APBB2: variants seen among roughly 807,000 people sequenced by gnomAD.
APBB2 encodes the protein Fe65-like 1.
APBB2 carries 38 observed loss-of-function variants against 82.5 expected under a neutral mutation model. The ratio of observed to expected loss-of-function variants is 0.46; its 90% CI spans 0.36 to 0.60. The LOEUF is 0.60. Among genes scored for constraint, APBB2 ranks in the 20% least tolerant of loss-of-function variants. APBB2 has a pLI of 0.00. For synonymous variants in APBB2, 341 were observed against 368.2 expected (o/e 0.93, Z 0.85); for missense variants, 772 against 972.3 (o/e 0.79, Z 2.74).
At chr4:41,182,220 C>T (rs1354916082) in intron 1 of APBB2, among the ~76,000 whole-genome samples, 1 of 152,196 alleles carries the variant, frequency 6.6e-6, no homozygotes, top group South Asian at 2.1e-4. Flanking sequence ...ATTAAGCTCA[C>T]TCCAATTAGG....
At chr4:40,999,870 T>C (rs1286828256) in intron 6 of APBB2, among the ~76,000 whole-genome samples, 1 of 151,924 alleles carries the variant, frequency 6.6e-6, no homozygotes, top group Non-Finnish European at 1.5e-5. Flanking sequence ...CAAACATAAA[T>C]ACCTATTGTA....
At chr4:41,075,618 C>G (rs74461766) in intron 3 of APBB2, among the ~76,000 whole-genome samples, 3,821 of 152,276 alleles carry the variant, frequency 0.025, 74 homozygotes, top group South Asian at 0.077. Context: ...TTTCTTCCAG[C>G]TTGGACCCAA....
intron 4 of APBB2, among the ~76,000 whole-genome samples, chr4:41,052,798 C>T (rs562919330): frequency 2.6e-4 from 39 of 148,696 alleles, no homozygotes; most frequent in African/African-American, 9.7e-4. Flanking sequence ...GAGACAGTCT[C>T]ACTCTGTCAC....
intron 12 of APBB2, among the ~76,000 whole-genome samples, chr4:40,885,963 A>G (rs962593553): frequency 6.6e-6 from 1 of 152,058 alleles, no homozygotes; most frequent in African/African-American, 2.4e-5. Flanking sequence ...AAAACCGTGG[A>G]TTAATCACTG....
chr4:41,126,033 T>C (rs892268879), intron 2 of APBB2, among the ~76,000 whole-genome samples: 13 of 152,078 alleles, frequency 8.5e-5, no homozygotes, highest in Non-Finnish European at 1.5e-4. Context: ...ACACCTTTAA[T>C]TGGAGTTTTG....
At chr4:40,873,600 T>G (rs1035599138) in intron 12 of APBB2, among the ~76,000 whole-genome samples, 10 of 152,202 alleles carry the variant, frequency 6.6e-5, no homozygotes, top group African/African-American at 1.9e-4. Context: ...AAAATGCTTT[T>G]AGGAATTGCT....
chr4:40,845,431 C>T (rs923118803), intron 12 of APBB2, among the ~76,000 whole-genome samples: 2 of 152,010 alleles, frequency 1.3e-5, no homozygotes, highest in Non-Finnish European at 2.9e-5. Flanking sequence ...TCCACATGAG[C>T]CGCACATCCC....
chr4:40,957,591 T>C (rs1315735810), intron 6 of APBB2, among the ~76,000 whole-genome samples: 1 of 151,974 alleles, frequency 6.6e-6, no homozygotes, highest in Non-Finnish European at 1.5e-5. Context: ...ATTCCTTTTT[T>C]TTTTTTTTTG....
intron 12 of APBB2, among the ~76,000 whole-genome samples, chr4:40,862,700 A>G (rs1305067412): frequency 6.6e-6 from 1 of 152,164 alleles, no homozygotes; most frequent in African/African-American, 2.4e-5. Context: ...GTCTACTAAA[A>G]CTACAAAAAT....
At chr4:40,987,332 A>G (rs958642155) in intron 6 of APBB2, among the ~76,000 whole-genome samples, 18 of 152,226 alleles carry the variant, frequency 1.2e-4, no homozygotes, top group Non-Finnish European at 4.4e-5. Flanking sequence ...AGCATTTGGC[A>G]GAAGTTGTTT....
chr4:41,012,488 A>G (rs1161552156), intron 6 of APBB2, among the ~76,000 whole-genome samples: 1 of 151,992 alleles, frequency 6.6e-6, no homozygotes, highest in Non-Finnish European at 1.5e-5. Flanking sequence ...CCTCATCTCA[A>G]CCTCCCTACT....
intron 1 of APBB2, among the ~76,000 whole-genome samples, chr4:41,150,672 T>C: frequency 6.6e-6 from 1 of 152,218 alleles, no homozygotes; most frequent in East Asian, 1.9e-4. Flanking sequence ...AGGCTGATGT[T>C]CATTTCAGTA....
intron 1 of APBB2, among the ~76,000 whole-genome samples, chr4:41,155,008 C>T (rs949158856): frequency 6.6e-6 from 1 of 152,218 alleles, no homozygotes; most frequent in East Asian, 1.9e-4. Flanking sequence ...TGTGGCCACC[C>T]GATCCAACTC....
intron 2 of APBB2, among the ~76,000 whole-genome samples, chr4:41,121,394 T>G (rs1752751954): frequency 1.3e-5 from 2 of 152,218 alleles, no homozygotes; most frequent in African/African-American, 4.8e-5. Context: ...AATTTCACAA[T>G]TAATAAATAG....
intron 1 of APBB2, among the ~76,000 whole-genome samples, chr4:41,203,006 G>A (rs1301730051): frequency 1.3e-5 from 2 of 151,528 alleles, no homozygotes; most frequent in Non-Finnish European, 1.5e-5. Context: ...AGGATCTAAT[G>A]AAAATCCTGT....
intron 12 of APBB2, among the ~76,000 whole-genome samples, chr4:40,881,793 C>G (rs1257721402): frequency 6.6e-6 from 1 of 152,060 alleles, no homozygotes; most frequent in Non-Finnish European, 1.5e-5. Context: ...CTCGGCCTCC[C>G]AAAGTGCTGG....
chr4:41,004,059 ATTGT>A (rs1243049071), intron 6 of APBB2, among the ~76,000 whole-genome samples: 6 of 148,756 alleles, frequency 4.0e-5, no homozygotes, highest in African/African-American at 1.5e-4. Flanking sequence ...ACAAATTTCT[ATTGT>A]TTATTACTAA....
chr4:41,102,836 T>G (rs1442226783), intron 2 of APBB2, among the ~76,000 whole-genome samples: 1 of 152,242 alleles, frequency 6.6e-6, no homozygotes, highest in Non-Finnish European at 1.5e-5. Flanking sequence ...ATTTAACCAT[T>G]TAGTATGTGA....
At position 40,821,901 on chromosome 4, in the gene APBB2, G is replaced by T. The variant is rs548111352; in HGVS notation, c.2082C>A (p.Asn694Lys). The part of the protein sequence containing the change: ...HVFWCEPNAG[N>K]VSEAVQAACM... Reference sequence around the variant, plus strand: ...AGGCGGCCTGCACCGCCTCAGACACGTTACCAGCATTAGGCTCGCACCAGA... The same window carrying T: ...AGGCGGCCTGCACCGCCTCAGACACTTTACCAGCATTAGGCTCGCACCAGA... The change falls in exon 17 of 18, where the codon AAC becomes AAA. Residue 694 changes from asparagine (N) to lysine (K), a missense_variant. Physicochemically the swap from Asn to Lys is moderately conservative, Grantham distance 94. Coordinates refer to ENST00000508593, the MANE Select transcript of APBB2 (RefSeq NM_004307.2). The T allele has an allele frequency of 6.2e-7, 1 of 1,613,804 alleles. No homozygotes were observed.
Sources: gnomAD v4.1 joint callset for allele counts (sites outside exome capture counted in the v4.1 genomes callset) on GRCh38, gnomAD v4.1.1 for gene constraint, MANE v1.5 for transcripts, NCBI Gene and HGNC (gene_info 2026-07-23, HGNC 2026-07-21) for gene names.